The following TUT4 variants were observed in gnomAD, a reference collection of about 807,000 sequenced individuals.
TUT4 encodes terminal uridylyltransferase 4.
In TUT4, 36 loss-of-function variants were observed where a neutral mutation model predicts 192.2. The ratio of observed to expected loss-of-function variants is 0.19; its 90% CI spans 0.14 to 0.25. The LOEUF (loss-of-function observed/expected upper bound fraction) is 0.25, where lower values mean the gene tolerates loss of function less well. Ranked by LOEUF, TUT4 falls within the 10% of genes least tolerant of loss-of-function variation. The probability of loss-of-function intolerance (pLI) is 1.00; values close to 1 mark genes in which losing one functional copy is unlikely to be tolerated. For synonymous variants in TUT4, 618 were observed against 666.0 expected (o/e 0.93, Z 1.11); for missense variants, 1,493 against 1,957.2 (o/e 0.76, Z 4.47).
chr1:52,452,728 T>C (rs1289137078), intron 20 of TUT4, among the ~76,000 whole-genome samples: 2 of 152,224 alleles, frequency 1.3e-5, no homozygotes, highest in Non-Finnish European at 2.9e-5. Context: ...TTCATTTATA[T>C]CCTTTGTAAT....
Position 52,477,788 on chromosome 1 carries a change from T to C in TUT4, c.1943A>G (p.Glu648Gly). ...KFYTLDFALEEYVICVRIQDI... is the reference protein window; with the variant it reads ...KFYTLDFALEGYVICVRIQDI... Reference sequence around the variant, plus strand: ...TTGTATCCGTACACATATGACATATTCCTCCAAAGCAAAATCCAGTGTGTA... The same window carrying C: ...TTGTATCCGTACACATATGACATATCCCTCCAAAGCAAAATCCAGTGTGTA... Residue 648 changes from glutamate (E) to glycine (G), a missense_variant, in exon 12 of 30, where the codon GAA (glutamate) becomes GGA (glycine). Coordinates refer to ENST00000257177, the MANE Select transcript of TUT4 (RefSeq NM_001009881.3). The C allele has an allele frequency of 6.2e-7, 1 of 1,614,060 alleles. No homozygotes were observed. Among genetic ancestry groups the C allele is most frequent in the Non-Finnish European group, 8.5e-7 (1 of 1,179,974 alleles).
At chr1:52,490,082 T>G (rs1054781473) in intron 8 of TUT4, among the ~76,000 whole-genome samples, 1 of 151,940 alleles carries the variant, frequency 6.6e-6, no homozygotes, top group African/African-American at 2.4e-5. Context: ...AATCAACTCA[T>G]TCAATGTAAG....
At chr1:52,530,686 C>T (rs1454054405) in intron 1 of TUT4, among the ~76,000 whole-genome samples, 2 of 152,110 alleles carry the variant, frequency 1.3e-5, no homozygotes, top group Non-Finnish European at 2.9e-5. Flanking sequence ...AAACGAAGTT[C>T]TCTCGGAGGA....
At chr1:52,467,643 A>C (rs2148792452) in intron 15 of TUT4, among the ~76,000 whole-genome samples, 2 of 152,266 alleles carry the variant, frequency 1.3e-5, no homozygotes, top group South Asian at 4.1e-4. Context: ...TAGGTACTCA[A>C]AATAAAATTC....
In TUT4 at chr1:52,477,758, A is replaced by G. The variant is rs1667467754; in HGVS notation, c.1973T>C (p.Ile658Thr). 2.5e-6 allele frequency: 4 copies of G among 1,612,668 alleles called. No homozygotes were observed. The highest frequency in any genetic ancestry group is 2.5e-6 in the Non-Finnish European group (3 of 1,179,682). Reference sequence around the variant, plus strand: ...CCAGTTTTTATTTTCTCTTGTTAAAATATCTTGTATCCGTACACATATGAC... The same window carrying G: ...CCAGTTTTTATTTTCTCTTGTTAAAGTATCTTGTATCCGTACACATATGAC... ...EYVICVRIQD[I>T]LTRENKNWPK... is the part of the protein sequence containing the mutation. The change falls in exon 12 of 30, where the codon ATT becomes ACT. Residue 658 changes from isoleucine (I) to threonine (T), a missense_variant. Ile to Thr is a moderately conservative substitution (Grantham distance 89). Around this residue, in one of 7 missense-constraint regions of TUT4, gnomAD observed 437 missense variants for 577.6 expected, o/e 0.76. Coordinates refer to ENST00000257177, the MANE Select transcript of TUT4 (RefSeq NM_001009881.3).
intron 1 of TUT4, among the ~76,000 whole-genome samples, chr1:52,546,815 G>A (rs1291847067): frequency 6.6e-6 from 1 of 152,056 alleles, no homozygotes; most frequent in African/African-American, 2.4e-5. Flanking sequence ...AAATGAGACA[G>A]CATTTTTGTA....
intron 3 of TUT4, among the ~76,000 whole-genome samples, chr1:52,513,058 G>T (rs897736268): frequency 3.3e-5 from 5 of 151,558 alleles, no homozygotes; most frequent in Non-Finnish European, 7.4e-5. Context: ...GGGAGGCAGA[G>T]GTTGCAGTGA....
At position 52,551,362 on chromosome 1, in the gene TUT4, T is replaced by G. The variant is rs148480159; in HGVS notation, c.-94+1569A>C. Among the ~76,000 whole-genome samples, 807 of 152,238 alleles carry G rather than the reference T, an allele frequency of 5.3e-3. 10 individuals are homozygous for G. Among genetic ancestry groups the G allele is most frequent in the African/African-American group, 0.019 (783 of 41,570 alleles). ...TTTTTCATTTTCCACACTAGCCAAG[T>G]GAAAAACTGCAAGCAGCAGAAAAAT... is the stretch of plus-strand genomic sequence containing the variant. On this transcript the variant is annotated intron_variant, in intron 1 of 29. Coordinates refer to ENST00000257177, the MANE Select transcript of TUT4 (RefSeq NM_001009881.3).
chr1:52,443,966 G>A (rs9988412), intron 24 of TUT4, among the ~76,000 whole-genome samples: 1,593 of 152,086 alleles, frequency 0.01, 29 homozygotes, highest in African/African-American at 0.036. Context: ...GGCCAAATGC[G>A]GTGGCTCATG....
chr1:52,446,464 A>G lies in TUT4; in HGVS notation c.3514-22T>C, dbSNP rs764305673. On this transcript the variant is annotated intron_variant, in intron 21 of 29. Transcript: ENST00000257177. ...TTTTCTACATATAAAAAAAAAAAGA[A>G]AAGAACAATGTCTATACAGTACTAT... 5.7e-6 allele frequency: 9 copies of G among 1,575,700 alleles called. No individual in the cohort carries two copies. In the South Asian group the frequency reaches 1.1e-4, roughly 19 times the overall value.
At chr1:52,538,409 T>G (rs1685552288) in intron 1 of TUT4, 1 of 151,706 alleles carries the variant, frequency 6.6e-6, no homozygotes, top group Non-Finnish European at 1.5e-5. Flanking sequence ...ATGCCTGTAA[T>G]CACAGCACTT....
intron 29 of TUT4, 135 bp from the exon 30 acceptor site, chr1:52,424,137 T>C (rs1648980981): frequency 1.2e-6 from 1 of 829,928 alleles, no homozygotes; most frequent in African/African-American, 1.7e-5. Context: ...CTGCAAAACA[T>C]TTGAGAGGGT....
At chr1:52,497,699 A>T (rs1672805863) in intron 4 of TUT4, among the ~76,000 whole-genome samples, 1 of 152,254 alleles carries the variant, frequency 6.6e-6, no homozygotes, top group Non-Finnish European at 1.5e-5. Context: ...AGCCAATTTA[A>T]ATCTAGGAGC....
intron 15 of TUT4, among the ~76,000 whole-genome samples, chr1:52,466,153 C>T (rs1376346141): frequency 6.6e-6 from 1 of 151,918 alleles, no homozygotes. Context: ...TCAATGATAG[C>T]TGAGAGGCAA....
At chr1:52,547,540 A>G (rs533869550) in intron 1 of TUT4, among the ~76,000 whole-genome samples, 18 of 152,332 alleles carry the variant, frequency 1.2e-4, no homozygotes, top group African/African-American at 3.1e-4. Context: ...ACCCAAGAGA[A>G]ATGAAAATGT....
At chr1:52,448,692 G>GTAATATTTTAT (rs1658374045) in intron 20 of TUT4, among the ~76,000 whole-genome samples, 1 of 151,872 alleles carries the variant, frequency 6.6e-6, no homozygotes, top group Non-Finnish European at 1.5e-5. Flanking sequence ...GATATTAAGG[G>GTAATATTTTAT]GCTGACATGT....
At position 52,516,133 on chromosome 1, in the gene TUT4, T is replaced by C. The variant is rs1045419589; in HGVS notation, c.719-79A>G. The C allele has an allele frequency of 2.2e-5, 24 of 1,089,984 alleles. No homozygotes were observed. The South Asian group carries it at 3.7e-4, about 17-fold the overall frequency. The allele number at this position is 1,089,984 out of a possible 1,614,324, so 67.5% of individuals were successfully genotyped here. ...TTTTTAATGGAAAACAGACATTAAA[T>C]TTATACACAGAAAAAATATTATTTC... On this transcript the variant is annotated intron_variant, in intron 2 of 29. Coordinates refer to ENST00000257177, the MANE Select transcript of TUT4 (RefSeq NM_001009881.3).
intron 24 of TUT4, among the ~76,000 whole-genome samples, chr1:52,439,032 T>C (rs1041142742): frequency 2.1e-5 from 3 of 143,912 alleles, no homozygotes; most frequent in Non-Finnish European, 4.5e-5. Context: ...ATCGTGCCAC[T>C]GCACTCCAGC....
intron 1 of TUT4, among the ~76,000 whole-genome samples, chr1:52,547,588 C>T (rs1186652328): frequency 6.6e-6 from 1 of 152,162 alleles, no homozygotes; most frequent in Non-Finnish European, 1.5e-5. Flanking sequence ...TTCACAGCAG[C>T]ACCATTCCTT....
Sources: allele counts gnomAD v4.1 joint callset (sites outside exome capture counted in the v4.1 genomes callset), GRCh38; gene constraint gnomAD v4.1.1; regional missense constraint gnomAD v4.1.1; transcripts MANE v1.5; gene names NCBI Gene and HGNC (gene_info 2026-07-23, HGNC 2026-07-21).